GPBP1: variants seen among roughly 807,000 people sequenced by gnomAD.
GPBP1 encodes the protein vasculin.
Under a neutral mutation model 56.5 loss-of-function variants are expected in GPBP1, and 13 were observed. The observed-to-expected ratio is 0.23, with a 90% CI of 0.15 to 0.37. The LOEUF (loss-of-function observed/expected upper bound fraction) is 0.37, where lower values mean the gene tolerates loss of function less well. GPBP1 is among the 10% of genes least tolerant of loss of function. The pLI, the probability that GPBP1 is intolerant of heterozygous loss-of-function variation, is 1.00. For missense variants in GPBP1, 477 were observed against 572.3 expected, an observed-to-expected ratio of 0.83 and a Z score of 1.70; for synonymous variants, 204 against 188.9, an observed-to-expected ratio of 1.08 and a Z score of -0.66.
chr5:57,251,412 G>A (rs1449444977), intron 10 of GPBP1, among the ~76,000 whole-genome samples: 1 of 152,140 alleles, frequency 6.6e-6, no homozygotes, highest in Non-Finnish European at 1.5e-5. Flanking sequence ...AATATAGTAT[G>A]TGATTTTTGA....
chr5:57,219,232 C>T (rs1246491909), intron 3 of GPBP1, among the ~76,000 whole-genome samples: 5 of 151,366 alleles, frequency 3.3e-5, no homozygotes, highest in African/African-American at 4.8e-5. Context: ...AAAAATTAGC[C>T]GGGTATGGTG....
chr5:57,196,509 A>G (rs1754754140), intron 2 of GPBP1, among the ~76,000 whole-genome samples: 1 of 152,242 alleles, frequency 6.6e-6, no homozygotes, highest in Non-Finnish European at 1.5e-5. Context: ...GATGCTATAA[A>G]TGGCAAATAA....
intron 10 of GPBP1, among the ~76,000 whole-genome samples, chr5:57,260,836 G>C (rs1580091078): frequency 6.6e-6 from 1 of 152,108 alleles, no homozygotes; most frequent in Admixed American, 6.6e-5. Context: ...TCAGAAATAT[G>C]GTGGTACTGA....
At chr5:57,239,445 C>G (rs1307342476) in intron 6 of GPBP1, among the ~76,000 whole-genome samples, 2 of 152,140 alleles carry the variant, frequency 1.3e-5, no homozygotes, top group African/African-American at 2.4e-5. Flanking sequence ...GACTAAAACT[C>G]ACAGTATTGT....
chr5:57,203,812 T>A (rs1309224880), intron 2 of GPBP1, among the ~76,000 whole-genome samples: 3 of 152,238 alleles, frequency 2.0e-5, no homozygotes, highest in African/African-American at 4.8e-5. Context: ...TGCAGTTTCA[T>A]GTTTCAGATC....
intron 10 of GPBP1, among the ~76,000 whole-genome samples, chr5:57,254,711 AGT>A (rs1448170096): frequency 1.8e-4 from 27 of 150,890 alleles, no homozygotes; most frequent in African/African-American, 6.1e-4. Flanking sequence ...AAAAAAAAAG[AGT>A]AAGTTTTGTA....
chr5:57,215,887 T>C (rs1253789886), intron 3 of GPBP1, among the ~76,000 whole-genome samples: 1 of 151,730 alleles, frequency 6.6e-6, no homozygotes, highest in Non-Finnish European at 1.5e-5. Context: ...GAGCCTCTTA[T>C]TTTCTCACTA....
chr5:57,231,160 A>G lies in GPBP1; in HGVS notation c.250A>G (p.Ile84Val), dbSNP rs1466801390. The change falls in exon 5 of 12, where the codon ATA (isoleucine) becomes GTA (valine). Residue 84 changes from isoleucine (I) to valine (V), a missense_variant. Transcript: ENST00000506184. ...ACATGGAAGAAATGGTACAGAAAAC[A>G]TAAATCATCGAGGTGGATACCATGG... ...RTHGRNGTEN[I>V]NHRGGYHGGS... is the part of the protein sequence containing the mutation. 2.5e-6 allele frequency: 4 copies of G among 1,614,228 alleles called. No homozygotes were observed. The highest frequency in any genetic ancestry group is 1.7e-5 in the Admixed American group (1 of 60,028).
chr5:57,208,081 C>G (rs980526269), intron 2 of GPBP1, among the ~76,000 whole-genome samples: 3 of 152,086 alleles, frequency 2.0e-5, no homozygotes, highest in Non-Finnish European at 4.4e-5. Context: ...TCACCTAGAT[C>G]CGTGGGCACA....
intron 2 of GPBP1, among the ~76,000 whole-genome samples, chr5:57,185,753 AC>A (rs1561322556): frequency 6.6e-6 from 1 of 152,048 alleles, no homozygotes; most frequent in Non-Finnish European, 1.5e-5. Flanking sequence ...TAATGCCAGC[AC>A]TTTGGGAGGC....
chr5:57,213,979 T>C (rs1755601248), intron 2 of GPBP1, 95 bp from the exon 3 acceptor site: 1 of 592,744 alleles, frequency 1.7e-6, no homozygotes, highest in Non-Finnish European at 3.0e-6. Flanking sequence ...ATAAATAGAA[T>C]CCTATAGTAG....
intron 10 of GPBP1, among the ~76,000 whole-genome samples, chr5:57,260,171 T>G (rs76109771): frequency 6.2e-4 from 94 of 152,324 alleles, no homozygotes; most frequent in Non-Finnish European, 1.2e-3. Flanking sequence ...CCAAGTGAGA[T>G]GTCTTGTCTG....
At chr5:57,260,370 G>T (rs570320497) in intron 10 of GPBP1, among the ~76,000 whole-genome samples, 2 of 152,146 alleles carry the variant, frequency 1.3e-5, no homozygotes, top group African/African-American at 4.8e-5. Context: ...TTGGGGTATT[G>T]TCCCCATAAA....
At chr5:57,233,567 G>T (rs1041143560) in intron 5 of GPBP1, among the ~76,000 whole-genome samples, 2 of 152,066 alleles carry the variant, frequency 1.3e-5, no homozygotes, top group Admixed American at 6.6e-5. Context: ...TATGTGTATT[G>T]TATACTGTAT....
intron 3 of GPBP1, among the ~76,000 whole-genome samples, chr5:57,227,943 A>T (rs1756268633): frequency 6.6e-6 from 1 of 152,208 alleles, no homozygotes; most frequent in Non-Finnish European, 1.5e-5. Context: ...TATGAACAGT[A>T]ACTGTCCGTA....
intron 10 of GPBP1, among the ~76,000 whole-genome samples, chr5:57,258,826 T>G (rs1483723247): frequency 6.6e-6 from 1 of 152,206 alleles, no homozygotes; most frequent in African/African-American, 2.4e-5. Flanking sequence ...AGCTACAGCC[T>G]CTGGTGGAGA....
At chr5:57,260,172 G>A (rs1326949241) in intron 10 of GPBP1, among the ~76,000 whole-genome samples, 1 of 152,196 alleles carries the variant, frequency 6.6e-6, no homozygotes, top group African/African-American at 2.4e-5. Flanking sequence ...CAAGTGAGAT[G>A]TCTTGTCTGT....
chr5:57,238,823 T>C (rs918557381), intron 6 of GPBP1, among the ~76,000 whole-genome samples: 2 of 152,232 alleles, frequency 1.3e-5, no homozygotes, highest in African/African-American at 4.8e-5. Flanking sequence ...ATATTTGATA[T>C]ACTACTTAAG....
chr5:57,242,977 C>G (rs898226538), intron 6 of GPBP1, among the ~76,000 whole-genome samples: 3 of 151,802 alleles, frequency 2.0e-5, no homozygotes, highest in African/African-American at 4.8e-5. Context: ...TCTCAAACTC[C>G]TAACCTTGTG....
Sources: allele counts gnomAD v4.1 joint callset (sites outside exome capture counted in the v4.1 genomes callset), GRCh38; gene constraint gnomAD v4.1.1; transcripts MANE v1.5; gene names NCBI Gene and HGNC (gene_info 2026-07-23, HGNC 2026-07-21).